OGFOD3: variants seen among roughly 807,000 people sequenced by gnomAD.
OGFOD3 encodes 2-oxoglutarate and iron-dependent oxygenase domain-containing protein 3.
A neutral mutation model predicts 39.8 loss-of-function variants in OGFOD3; 35 were observed. The ratio of observed to expected loss-of-function variants is 0.88; its 90% CI spans 0.67 to 1.17. The LOEUF (loss-of-function observed/expected upper bound fraction) is 1.17. Among genes scored for constraint, OGFOD3 ranks in the 50% most tolerant of loss-of-function variants. The pLI, the probability that OGFOD3 is intolerant of heterozygous loss-of-function variation, is 0.00. For synonymous variants in OGFOD3, 200 were observed against 192.0 expected, an observed-to-expected ratio of 1.04 and a Z score of -0.34; for missense variants, 438 against 454.5, an observed-to-expected ratio of 0.96 and a Z score of 0.33.
intron 7 of OGFOD3, among the ~76,000 whole-genome samples, chr17:82,402,620 G>A (rs537130145): frequency 1.5e-4 from 23 of 152,142 alleles, no homozygotes; most frequent in South Asian, 4.2e-4. Flanking sequence ...GGTGGCATGT[G>A]CCTGTAATCC....
intron 3 of OGFOD3, among the ~76,000 whole-genome samples, chr17:82,410,750 A>AT (rs1319622752): frequency 7.8e-5 from 9 of 115,098 alleles, no homozygotes; most frequent in Non-Finnish European, 1.5e-4. Flanking sequence ...ATGGAGTCTC[A>AT]CTCTGTCACC....
intron 7 of OGFOD3, among the ~76,000 whole-genome samples, chr17:82,399,890 G>A (rs1022400983): frequency 6.6e-6 from 1 of 152,214 alleles, no homozygotes; most frequent in Admixed American, 6.5e-5. Context: ...CCAGACCAGG[G>A]AGGGAAAGAG....
At chr17:82,395,080 A>G (rs978734436) in intron 8 of OGFOD3, among the ~76,000 whole-genome samples, 1 of 152,170 alleles carries the variant, frequency 6.6e-6, no homozygotes, top group African/African-American at 2.4e-5. Flanking sequence ...GCTGGAATGC[A>G]GTATGCAATG....
intron 5 of OGFOD3, 152 bp from the exon 6 acceptor site, chr17:82,405,532 G>A (rs546976879): frequency 5.1e-5 from 36 of 709,030 alleles, no homozygotes; most frequent in Non-Finnish European, 6.2e-5. Context: ...TAAAGGAGCC[G>A]GGCCGGGCGC....
At chr17:82,412,958 G>C (rs2052975602) in intron 2 of OGFOD3, among the ~76,000 whole-genome samples, 2 of 152,192 alleles carry the variant, frequency 1.3e-5, no homozygotes, top group African/African-American at 4.8e-5. Flanking sequence ...AGCATCAGGG[G>C]CTTGGACCCA....
Position 82,404,039 on chromosome 17 carries a change from G to A in OGFOD3, c.597C>T (p.Ser199=), listed in dbSNP as rs1277355642. Residue 199 remains serine, a synonymous_variant, in exon 7 of 9, where the codon AGC becomes AGT. Coordinates refer to ENST00000313056, the MANE Select transcript of OGFOD3 (RefSeq NM_024648.3). The surrounding 1 kb of genome is among the most constrained non-coding windows in gnomAD (Gnocchi z 4.5). ...GCTTGGTCAGATGCAGCGAGGATGC[G>A]CTGATGCCAAAAGCCTCAGCAATGG... ...QLTIAEAFGI[S]ASSLHLTKPT... The A allele has an allele frequency of 5.6e-6, 9 of 1,609,828 alleles. No homozygotes were observed. The highest frequency in any genetic ancestry group is 3.4e-5 in the Admixed American group (2 of 59,384).
intron 8 of OGFOD3, among the ~76,000 whole-genome samples, chr17:82,397,138 C>T (rs1340724547): frequency 6.6e-6 from 1 of 152,014 alleles, no homozygotes; most frequent in African/African-American, 2.4e-5. Flanking sequence ...CGTAAACTAA[C>T]CTGAGAAAGG....
In OGFOD3 at chr17:82,408,065, C is replaced by T. The variant is rs544484136; in HGVS notation, c.423+1303G>A. ...GGCTAAGGCAGAAGAATGGCTTGAACCCAGGAGTTGGAGGTTGCAGTGAGT... is the reference window on the plus strand; with the variant it reads ...GGCTAAGGCAGAAGAATGGCTTGAATCCAGGAGTTGGAGGTTGCAGTGAGT... On this transcript the variant is annotated intron_variant, in intron 4 of 8. Coordinates refer to ENST00000313056, the MANE Select transcript of OGFOD3 (RefSeq NM_024648.3). 1.2e-4 allele frequency among the ~76,000 whole-genome samples: 18 copies of T among 152,230 alleles called. No individual in the cohort carries two copies. The Middle Eastern group carries it at 0.014, about 115-fold the overall frequency.
Position 82,408,265 on chromosome 17 carries a change from T to A in OGFOD3, c.423+1103A>T, listed in dbSNP as rs184294421. The stretch of plus-strand genomic sequence containing the variant: ...TCTCAAAGAGTCTATAAATTAATTT[T>A]CTAGAAGTTTCAAATATGCAGAAAG... On this transcript the variant is annotated intron_variant, in intron 4 of 8. Transcript: ENST00000313056. Among the ~76,000 whole-genome samples, 348 of 152,342 alleles carry A rather than the reference T, an allele frequency of 2.3e-3. 1 individual carries two copies. The highest frequency in any genetic ancestry group is 7.9e-3 in the African/African-American group (330 of 41,562).
In OGFOD3 at chr17:82,403,950, G is replaced by A. The variant is rs778685999; in HGVS notation, c.686C>T (p.Ala229Val). 7 of 1,604,570 alleles carry A rather than the reference G, an allele frequency of 4.4e-6. No homozygotes were observed. Among genetic ancestry groups the A allele is most frequent in the East Asian group, 4.5e-5 (2 of 44,622 alleles). Residue 229 changes from alanine to valine, a missense_variant, in exon 7 of 9, where the codon GCG (alanine) becomes GTG (valine). Ala to Val is a moderately conservative substitution (Grantham distance 64). Coordinates refer to ENST00000313056, the MANE Select transcript of OGFOD3 (RefSeq NM_024648.3). ...ARTAHDEYWHAHVDKVTYGSF... is the reference protein window; with the variant it reads ...ARTAHDEYWHVHVDKVTYGSF... ...GGGCGCGCTCACCTTGTCCACGTGC[G>A]CATGCCAGTACTCGTCGTGCGCCGT...
rs186655353 is a variant in OGFOD3 at position 82,413,662 on chromosome 17, C to G, written c.304+1736G>C. Reference sequence around the variant, plus strand: ...AGGCAGGTGGATCACCTGAGGTCAGCAGTTTGAGATCAGCCTGGGCAACAT... The same window carrying G: ...AGGCAGGTGGATCACCTGAGGTCAGGAGTTTGAGATCAGCCTGGGCAACAT... On this transcript the variant is annotated intron_variant, in intron 2 of 8. Transcript: ENST00000313056. Among the ~76,000 whole-genome samples the G allele has an allele frequency of 3.0e-3, 458 of 152,190 alleles. 10 individuals are homozygous for G. The highest frequency in any genetic ancestry group is 3.8e-3 in the Non-Finnish European group (256 of 68,002).
chr17:82,409,600 T>C (rs1172812893), intron 3 of OGFOD3, among the ~76,000 whole-genome samples, 190 bp from the exon 4 acceptor site: 1 of 152,254 alleles, frequency 6.6e-6, no homozygotes, highest in East Asian at 1.9e-4. Flanking sequence ...AATACTGCCA[T>C]CGTTGTCTTG....
At chr17:82,399,497 T>G (rs1042360231) in intron 7 of OGFOD3, among the ~76,000 whole-genome samples, 3 of 152,218 alleles carry the variant, frequency 2.0e-5, no homozygotes, top group African/African-American at 4.8e-5. Flanking sequence ...AACTGTGTCT[T>G]CACTGTTTTT....
chr17:82,395,109 G>A (rs1333535691), intron 8 of OGFOD3, among the ~76,000 whole-genome samples: 2 of 152,170 alleles, frequency 1.3e-5, no homozygotes, highest in African/African-American at 4.8e-5. Flanking sequence ...TTGGCTCACT[G>A]CAACCTCCTC....
At position 82,392,050 on chromosome 17, in the gene OGFOD3, C is replaced by T. The variant is rs934793646; in HGVS notation, c.*348G>A. 64 of 293,784 alleles carry T rather than the reference C, an allele frequency of 2.2e-4. No homozygotes were observed. In the South Asian group the frequency reaches 3.2e-3, roughly 15 times the overall value. 18.2% of individuals were successfully genotyped at this position (293,784 alleles called of 1,614,324 possible). ...GATGCTTTAGCCAGTCTTTGATGGG[C>T]CGGGGGGTTGCTGAACCTGGACGAG... On this transcript the variant is annotated 3_prime_UTR_variant, in exon 9 of 9. Transcript: ENST00000313056. This position sits in a 1 kb window ranked among gnomAD's most constrained non-coding sequence, Gnocchi z 4.2.
In OGFOD3 at chr17:82,404,185, G is replaced by A. The variant is rs115718503; in HGVS notation, c.546-95C>T. On this transcript the variant is annotated intron_variant, in intron 6 of 8. Coordinates refer to ENST00000313056, the MANE Select transcript of OGFOD3 (RefSeq NM_024648.3). This position sits in a 1 kb window ranked among gnomAD's most constrained non-coding sequence, Gnocchi z 4.5. ...GGTGGCAGGAAAGGAACCAGCCTTCGTACGGCTCCGGGCCCGCGGGGCGGG... is the reference window on the plus strand; with the variant it reads ...GGTGGCAGGAAAGGAACCAGCCTTCATACGGCTCCGGGCCCGCGGGGCGGG... 1.5e-3 allele frequency: 2,057 copies of A among 1,382,940 alleles called. 17 individuals are homozygous for A. The African/African-American group carries it at 0.019, about 13-fold the overall frequency. The allele number at this position is 1,382,940 out of a possible 1,614,324, so 85.7% of individuals were successfully genotyped here.
Position 82,406,988 on chromosome 17 carries a change from C to T in OGFOD3, c.424-506G>A, listed in dbSNP as rs943144777. 6.6e-6 allele frequency among the ~76,000 whole-genome samples: 1 copy of T among 152,134 alleles called. No homozygotes were observed. Among genetic ancestry groups the T allele is most frequent in the African/African-American group, 2.4e-5 (1 of 41,446 alleles). ...ATCCCAGCACTTTGGGAGGCTGAGA[C>T]AGGTGGATTGCTTGAGGCCAGGAGT... On this transcript the variant is annotated intron_variant, in intron 4 of 8. Transcript: ENST00000313056. The surrounding 1 kb of genome is among the most constrained non-coding windows in gnomAD (Gnocchi z 5.2).
rs1214264128 is a variant in OGFOD3, at chr17:82,398,316, T to A, written c.703A>T (p.Thr235Ser). Residue 235 changes from threonine to serine, a missense_variant, in exon 8 of 9, where the codon ACC (threonine) becomes TCC (serine). By Grantham distance (58) the Thr-to-Ser change is moderately conservative. Coordinates refer to ENST00000313056, the MANE Select transcript of OGFOD3 (RefSeq NM_024648.3). The part of the protein sequence containing the change: ...EYWHAHVDKV[T>S]YGSFDYTSLL... Reference sequence around the variant, plus strand: ...GAGGTGTAGTCGAAGGAGCCGTAGGTCACCTGAGGGCAGAGCCGGGAGGAG... The same window carrying A: ...GAGGTGTAGTCGAAGGAGCCGTAGGACACCTGAGGGCAGAGCCGGGAGGAG... 13 of 1,613,956 alleles carry A rather than the reference T, an allele frequency of 8.1e-6. No individual in the cohort carries two copies. The highest frequency in any genetic ancestry group is 1.1e-5 in the Non-Finnish European group (13 of 1,179,974).
rs1162097731 is a variant in OGFOD3, at chr17:82,406,084, T to C, written c.488+334A>G. 2.6e-5 allele frequency among the ~76,000 whole-genome samples: 4 copies of C among 152,152 alleles called. No homozygotes were observed. Among genetic ancestry groups the C allele is most frequent in the Non-Finnish European group, 4.4e-5 (3 of 68,014 alleles). On this transcript the variant is annotated intron_variant, in intron 5 of 8. Coordinates refer to ENST00000313056, the MANE Select transcript of OGFOD3 (RefSeq NM_024648.3). The surrounding 1 kb of genome is among the most constrained non-coding windows in gnomAD (Gnocchi z 5.2). ...CCCTCATGGAGCGTCAAAGGCCCCGTTGGATTCTTGGAAGCTGCTCCTGGG... is the reference window on the plus strand; with the variant it reads ...CCCTCATGGAGCGTCAAAGGCCCCGCTGGATTCTTGGAAGCTGCTCCTGGG...
Sources: gnomAD v4.1 joint callset for allele counts (sites outside exome capture counted in the v4.1 genomes callset) on GRCh38, gnomAD v4.1.1 for gene constraint, Gnocchi (gnomAD v3.1) non-coding constraint, MANE v1.5 for transcripts, NCBI Gene and HGNC (gene_info 2026-07-23, HGNC 2026-07-21) for gene names.